Variants in TEC observed in about 807,000 individuals in gnomAD.
TEC encodes tec protein tyrosine kinase, also known as tyrosine-protein kinase Tec.
A neutral mutation model predicts 93.0 loss-of-function variants in TEC; 72 were observed. That is an observed-to-expected ratio of 0.77 (90% CI 0.64 to 0.94). The LOEUF (loss-of-function observed/expected upper bound fraction) is 0.94, where lower values mean the gene tolerates loss of function less well. Ranked by LOEUF, TEC falls within the 40% of genes least tolerant of loss-of-function variation. The probability of loss-of-function intolerance (pLI) is 0.00; values close to 1 mark genes in which losing one functional copy is unlikely to be tolerated. For missense variants in TEC, 630 were observed against 757.9 expected (o/e 0.83, Z 1.98); for synonymous variants, 249 against 247.7 (o/e 1.01, Z -0.05).
intron 2 of TEC, among the ~76,000 whole-genome samples, chr4:48,195,128 T>C (rs12500534): frequency 0.26 from 38,889 of 152,052 alleles, 5,659 homozygotes; most frequent in Admixed American, 0.34. Context: ...GAAGAAATGA[T>C]GTGGTTTCTG....
rs189503760 is a variant in TEC, at chr4:48,216,882, C to T, written c.138+11595G>A. Among the ~76,000 whole-genome samples, 50 of 152,238 alleles carry T rather than the reference C, an allele frequency of 3.3e-4. 1 individual carries two copies. Among genetic ancestry groups the T allele is most frequent in the Non-Finnish European group, 1.3e-4 (9 of 68,000 alleles). ...AAATAATCAAATGAATAAAACACAA[C>T]TATCACAGCCAGATCAAAGAGTGTT... is the stretch of plus-strand genomic sequence containing the variant. On this transcript the variant is annotated intron_variant, in intron 2 of 17. Coordinates refer to ENST00000381501, the MANE Select transcript of TEC (RefSeq NM_003215.3).
Position 48,156,726 on chromosome 4 carries a change from C to T in TEC, c.746G>A (p.Cys249Tyr). The T allele has an allele frequency of 2.5e-6, 4 of 1,610,758 alleles. No individual in the cohort carries two copies. Among genetic ancestry groups the T allele is most frequent in the Non-Finnish European group, 3.4e-6 (4 of 1,178,926 alleles). Residue 249 changes from cysteine to tyrosine, a missense_variant, in exon 9 of 18, where the codon TGC (cysteine) becomes TAC (tyrosine). Transcript: ENST00000381501. ...TGCCTTGCTTCTATTCATATTTCTG[C>T]AATACCATCTGAACAGAAAAAACAA... ...SNNLDQYEWYCRNMNRSKAEQ... is the reference protein window; with the variant it reads ...SNNLDQYEWYYRNMNRSKAEQ...
intron 2 of TEC, among the ~76,000 whole-genome samples, chr4:48,216,910 TC>T (rs1723099725): frequency 1.3e-5 from 2 of 152,214 alleles, no homozygotes; most frequent in Admixed American, 1.3e-4. Context: ...AGAGTGTTTT[TC>T]AAGATCTAGA....
chr4:48,186,884 G>C (rs563085447), intron 2 of TEC, among the ~76,000 whole-genome samples: 133 of 152,030 alleles, frequency 8.7e-4, no homozygotes, highest in African/African-American at 3.2e-3. Context: ...CGCCCCGTCT[G>C]GGAAGTGAGG....
intron 1 of TEC, among the ~76,000 whole-genome samples, chr4:48,257,379 C>T (rs1724371248): frequency 6.6e-6 from 1 of 152,070 alleles, no homozygotes; most frequent in Admixed American, 6.6e-5. Flanking sequence ...AAACTAACTG[C>T]TTGGTTTTGT....
intron 1 of TEC, among the ~76,000 whole-genome samples, chr4:48,246,598 T>A (rs543669700): frequency 5.3e-4 from 80 of 152,118 alleles, no homozygotes; most frequent in African/African-American, 1.8e-3. Flanking sequence ...GAATTAAGGG[T>A]CCAGAAATAA....
At chr4:48,254,842 T>C (rs1406910139) in intron 1 of TEC, among the ~76,000 whole-genome samples, 1 of 151,742 alleles carries the variant, frequency 6.6e-6, no homozygotes, top group African/African-American at 2.4e-5. Flanking sequence ...TGAGGAGGTG[T>C]TGGGTGTGGC....
chr4:48,152,003 T>C (rs1490948143), intron 9 of TEC, among the ~76,000 whole-genome samples: 2 of 152,208 alleles, frequency 1.3e-5, no homozygotes, highest in Non-Finnish European at 2.9e-5. Context: ...GAAAAGTGTG[T>C]CCTTTATTAG....
intron 2 of TEC, among the ~76,000 whole-genome samples, chr4:48,201,682 G>T (rs960122619): frequency 6.6e-6 from 1 of 152,206 alleles, no homozygotes; most frequent in Admixed American, 6.5e-5. Context: ...TCTCAGAGGA[G>T]CATGACAGAC....
chr4:48,140,182 A>G (rs897687330), intron 15 of TEC, among the ~76,000 whole-genome samples: 1 of 152,178 alleles, frequency 6.6e-6, no homozygotes, highest in Non-Finnish European at 1.5e-5. Flanking sequence ...GAGTTTCCTT[A>G]GGAGTTAAAC....
At chr4:48,137,552 A>C in intron 17 of TEC, 53 bp from the exon 18 acceptor site, 6 of 1,453,664 alleles carry the variant, frequency 4.1e-6, no homozygotes, top group Non-Finnish European at 5.8e-6. Context: ...ATTCCACAAA[A>C]CCTCTCACTG....
chr4:48,146,850 C>T (rs529964288), intron 11 of TEC, among the ~76,000 whole-genome samples: 1 of 151,966 alleles, frequency 6.6e-6, no homozygotes, highest in South Asian at 2.1e-4. Context: ...AAGTCGCATA[C>T]AGCACTAAAT....
At chr4:48,177,030 T>A (rs1419955208) in intron 2 of TEC, among the ~76,000 whole-genome samples, 1 of 152,166 alleles carries the variant, frequency 6.6e-6, no homozygotes, top group Non-Finnish European at 1.5e-5. Context: ...ATTCTAATTT[T>A]CTTCCCCATT....
At chr4:48,168,519 T>C in intron 6 of TEC, 67 bp downstream of exon 6, 1 of 1,538,064 alleles carries the variant, frequency 6.5e-7, no homozygotes, top group South Asian at 1.1e-5. Flanking sequence ...TCACAAACAC[T>C]ACCAAAACTT....
intron 6 of TEC, 88 bp downstream of exon 6, chr4:48,168,498 T>C (rs1352585307): frequency 1.5e-6 from 2 of 1,372,484 alleles, no homozygotes; most frequent in Non-Finnish European, 2.1e-6. Context: ...ATAAACCGCA[T>C]ACTCAGTAAG....
In TEC at chr4:48,248,310, G is replaced by A. The variant is rs554273779; in HGVS notation, c.-45-19651C>T. ...CTAGGGTGGCCTCATTCACGCTTCT[G>A]GCAATTATAAGCTATCAGCCAGGGC... On this transcript the variant is annotated intron_variant, in intron 1 of 17. Coordinates refer to ENST00000381501, the MANE Select transcript of TEC (RefSeq NM_003215.3). Among the ~76,000 whole-genome samples, 8 of 152,258 alleles carry A rather than the reference G, an allele frequency of 5.3e-5. No individual in the cohort carries two copies. The South Asian group carries it at 1.7e-3, about 32-fold the overall frequency.
rs2109496136 is a variant in TEC at position 48,136,391 on chromosome 4, T to G, written c.*1025A>C. 6.6e-6 allele frequency: 1 copy of G among 152,412 alleles called. No homozygotes were observed. Among genetic ancestry groups the G allele is most frequent in the African/African-American group, 2.4e-5 (1 of 41,586 alleles). 9.4% of individuals were successfully genotyped at this position (152,412 alleles called of 1,614,324 possible). The stretch of plus-strand genomic sequence containing the variant: ...CTGGATCCTCCGCCACAGCTCAGGC[T>G]GCTTCCGGGTCCTATGTGAGGTGGG... On this transcript the variant is annotated 3_prime_UTR_variant, in exon 18 of 18. Coordinates refer to ENST00000381501, the MANE Select transcript of TEC (RefSeq NM_003215.3).
At chr4:48,248,907 C>G (rs1302012566) in intron 1 of TEC, among the ~76,000 whole-genome samples, 2 of 149,698 alleles carry the variant, frequency 1.3e-5, no homozygotes, top group African/African-American at 4.9e-5. Flanking sequence ...TTGAATTCCC[C>G]TAATTCATAT....
At chr4:48,150,965 A>AT (rs758950535) in intron 9 of TEC, 23 bp from the exon 10 acceptor site, 27 of 1,545,922 alleles carry the variant, frequency 1.7e-5, no homozygotes, top group African/African-American at 2.8e-5. Context: ...TTCAGAAAAA[A>AT]TTTTTTTTAC....
Sources: gnomAD v4.1 joint callset for allele counts (sites outside exome capture counted in the v4.1 genomes callset) on GRCh38, gnomAD v4.1.1 for gene constraint, MANE v1.5 for transcripts, NCBI Gene and HGNC (gene_info 2026-07-23, HGNC 2026-07-21) for gene names.